POLR2B: variants seen among roughly 807,000 people sequenced by gnomAD.
The protein encoded by POLR2B is DNA-directed RNA polymerase II subunit RPB2.
A neutral mutation model predicts 144.6 loss-of-function variants in POLR2B; 57 were observed. The ratio of observed to expected loss-of-function variants is 0.39; its 90% CI spans 0.32 to 0.49. POLR2B has a LOEUF of 0.49. Among genes scored for constraint, POLR2B ranks in the 20% least tolerant of loss-of-function variants. The probability of loss-of-function intolerance (pLI) is 0.83; values close to 1 mark genes in which losing one functional copy is unlikely to be tolerated. For synonymous variants in POLR2B, 442 were observed against 469.8 expected, an observed-to-expected ratio of 0.94 and a Z score of 0.77; for missense variants, 595 against 1,467.4, an observed-to-expected ratio of 0.41 and a Z score of 9.71.
At chr4:56,984,469 A>AT (rs2109642814) in intron 1 of POLR2B, among the ~76,000 whole-genome samples, 1 of 152,238 alleles carries the variant, frequency 6.6e-6, no homozygotes, top group African/African-American at 2.4e-5. Flanking sequence ...TTATATTCAT[A>AT]TATGTGTGCC....
intron 13 of POLR2B, among the ~76,000 whole-genome samples, chr4:57,011,899 T>C (rs1228477588): frequency 6.6e-6 from 1 of 152,230 alleles, no homozygotes; most frequent in Non-Finnish European, 1.5e-5. Flanking sequence ...ATTATTAAAT[T>C]ATATTTTAGA....
chr4:56,992,444 G>GAC, intron 3 of POLR2B, among the ~76,000 whole-genome samples: 1 of 101,956 alleles, frequency 9.8e-6, no homozygotes, highest in Middle Eastern at 0.011. Context: ...CAGCCTGGGC[G>GAC]AGAGGTCGAG....
At chr4:57,013,843 C>T (rs955091340) in intron 13 of POLR2B, among the ~76,000 whole-genome samples, 4 of 151,708 alleles carry the variant, frequency 2.6e-5, no homozygotes, top group Non-Finnish European at 4.4e-5. Flanking sequence ...TGTGGTGGCT[C>T]ATGCCTGTAA....
intron 1 of POLR2B, chr4:56,985,185 G>T (rs1722278720): frequency 2.7e-6 from 1 of 367,068 alleles, no homozygotes; most frequent in Admixed American, 6.4e-5. Context: ...GGCTTTCTCA[G>T]TATGTAGCAG....
chr4:56,994,974 C>A, intron 5 of POLR2B, 108 bp downstream of exon 5: 1 of 744,824 alleles, frequency 1.3e-6, no homozygotes, highest in Non-Finnish European at 2.1e-6. Context: ...GCAGGATAAC[C>A]TGGCACTGAC....
At chr4:57,015,940 G>T (rs1723352612) in intron 14 of POLR2B, among the ~76,000 whole-genome samples, 2 of 151,978 alleles carry the variant, frequency 1.3e-5, no homozygotes, top group Admixed American at 1.3e-4. Context: ...TGTATTTTTG[G>T]TAGAGACAGG....
In POLR2B at chr4:57,017,793, T is replaced by A. The variant is rs1342289611; in HGVS notation, c.2323+65T>A. 1 of 1,149,194 alleles carries A rather than the reference T, an allele frequency of 8.7e-7. No homozygotes were observed. Among genetic ancestry groups the A allele is most frequent in the Non-Finnish European group, 1.2e-6 (1 of 803,516 alleles). The allele number at this position is 1,149,194 out of a possible 1,614,324, so 71.2% of individuals were successfully genotyped here. On this transcript the variant is annotated intron_variant, in intron 16 of 24. Coordinates refer to ENST00000314595, the MANE Select transcript of POLR2B (RefSeq NM_000938.3). The surrounding 1 kb of genome is among the most constrained non-coding windows in gnomAD (Gnocchi z 4.8). ...GTGCTTAAGGCACTTTTCTGGGTGC[T>A]TGGGAGGATTAAAAAATAAATATGA...
At chr4:57,021,976 A>G (rs528519725) in intron 17 of POLR2B, among the ~76,000 whole-genome samples, 176 bp from the exon 18 acceptor site, 4 of 152,364 alleles carry the variant, frequency 2.6e-5, no homozygotes, top group South Asian at 2.1e-4. Context: ...CTACATATGT[A>G]TAACTCATGT....
At chr4:57,030,546 G>A in intron 24 of POLR2B, 147 bp downstream of exon 24, 1 of 607,688 alleles carries the variant, frequency 1.6e-6, no homozygotes, top group Admixed American at 3.4e-5. Flanking sequence ...TTCTAAATAA[G>A]GAAAAGATAA....
intron 23 of POLR2B, among the ~76,000 whole-genome samples, chr4:57,029,950 C>A (rs1207742038): frequency 6.6e-6 from 1 of 152,090 alleles, no homozygotes; most frequent in Non-Finnish European, 1.5e-5. Context: ...CTCAAGAGAT[C>A]CACCCAGTCC....
intron 1 of POLR2B, among the ~76,000 whole-genome samples, chr4:56,979,632 T>C (rs1332053378): frequency 6.6e-6 from 1 of 152,178 alleles, no homozygotes; most frequent in African/African-American, 2.4e-5. Context: ...TATGGAATTC[T>C]TAGTAGTGGC....
intron 22 of POLR2B, 91 bp from the exon 23 acceptor site, chr4:57,025,286 T>G (rs1723677387): frequency 1.1e-6 from 1 of 932,560 alleles, no homozygotes; most frequent in African/African-American, 1.6e-5. Flanking sequence ...CTTTAATTTT[T>G]ATATAAATGG....
chr4:56,999,249 C>G (rs1270277933), intron 6 of POLR2B, among the ~76,000 whole-genome samples: 1 of 113,350 alleles, frequency 8.8e-6, no homozygotes, highest in Non-Finnish European at 1.9e-5. Context: ...CTATTTCTTT[C>G]TTCCAGAGGT....
intron 13 of POLR2B, among the ~76,000 whole-genome samples, chr4:57,014,339 G>A (rs1373411985): frequency 6.7e-6 from 1 of 149,840 alleles, no homozygotes; most frequent in African/African-American, 2.5e-5. Context: ...GATTACAGGC[G>A]CACACCACCA....
chr4:57,027,042 T>C (rs1186845032), intron 23 of POLR2B, among the ~76,000 whole-genome samples: 1 of 152,038 alleles, frequency 6.6e-6, no homozygotes, highest in East Asian at 1.9e-4. Flanking sequence ...ACAGTCTCAC[T>C]CTGTCACCCA....
At chr4:56,980,165 A>G (rs1000212588) in intron 1 of POLR2B, among the ~76,000 whole-genome samples, 1 of 150,472 alleles carries the variant, frequency 6.6e-6, no homozygotes, top group Admixed American at 6.7e-5. Context: ...AGGTCAAACC[A>G]TCTGCCTGTC....
intron 23 of POLR2B, among the ~76,000 whole-genome samples, chr4:57,026,502 T>C (rs1723725129): frequency 1.3e-5 from 2 of 152,212 alleles, no homozygotes; most frequent in African/African-American, 4.8e-5. Flanking sequence ...TTTTGTTTTA[T>C]GTGAGTTGTA....
In POLR2B at chr4:56,994,874, A is replaced by C. The variant is rs747215044; in HGVS notation, c.576+8A>C. On this transcript the variant is annotated splice_region_variant and intron_variant, in intron 5 of 24. Coordinates refer to ENST00000314595, the MANE Select transcript of POLR2B (RefSeq NM_000938.3). The stretch of plus-strand genomic sequence containing the variant: ...ATTAATGGATCAGAAAAGGTATAGT[A>C]ACATTATTTTAAAAAATTACAAAAT... The C allele has an allele frequency of 7.0e-7, 1 of 1,434,948 alleles. No individual in the cohort carries two copies. 88.9% of individuals were successfully genotyped at this position (1,434,948 alleles called of 1,614,324 possible).
At chr4:57,007,621 AC>A (rs768508680) in intron 10 of POLR2B, among the ~76,000 whole-genome samples, 17 of 152,310 alleles carry the variant, frequency 1.1e-4, no homozygotes, top group Admixed American at 2.6e-4. Context: ...TTAGAAGCCA[AC>A]TAAGAGATAA....
Sources: allele counts gnomAD v4.1 joint callset (sites outside exome capture counted in the v4.1 genomes callset), GRCh38; gene constraint gnomAD v4.1.1; non-coding constraint Gnocchi (gnomAD v3.1); transcripts MANE v1.5; gene names NCBI Gene and HGNC (gene_info 2026-07-23, HGNC 2026-07-21).